CHN2: variants seen among roughly 807,000 people sequenced by gnomAD.
The protein encoded by CHN2 is chimerin 2.
A neutral mutation model predicts 56.3 loss-of-function variants in CHN2; 35 were observed. The observed-to-expected ratio is 0.62, with a 90% CI of 0.47 to 0.82. The LOEUF (loss-of-function observed/expected upper bound fraction) is 0.82. CHN2 is among the 40% of genes least tolerant of loss of function. The pLI is 0.00. For synonymous variants in CHN2, 210 were observed against 212.8 expected (o/e 0.99, Z 0.12); for missense variants, 491 against 580.5 (o/e 0.85, Z 1.58).
At chr7:29,346,399 C>G (rs747737797) in intron 1 of CHN2, among the ~76,000 whole-genome samples, 2 of 152,216 alleles carry the variant, frequency 1.3e-5, no homozygotes, top group Non-Finnish European at 2.9e-5. Context: ...AAATTCTGAA[C>G]TGTCATCTCA....
chr7:29,161,875 C>T (rs1795221801), intron 2 of CHN2, among the ~76,000 whole-genome samples: 1 of 152,106 alleles, frequency 6.6e-6, no homozygotes, highest in Non-Finnish European at 1.5e-5. Context: ...GTTGAACAGA[C>T]ATTTCACTAA....
At chr7:29,423,343 G>A (rs950730559) in intron 6 of CHN2, among the ~76,000 whole-genome samples, 1 of 152,214 alleles carries the variant, frequency 6.6e-6, no homozygotes, top group Admixed American at 6.5e-5. Flanking sequence ...CCAGGTGAAG[G>A]AAGCTGTGTT....
chr7:29,227,894 C>T (rs573629310), intron 1 of CHN2, among the ~76,000 whole-genome samples: 1 of 152,160 alleles, frequency 6.6e-6, no homozygotes, highest in African/African-American at 2.4e-5. Context: ...AAGAATTTCA[C>T]TCTTTCATTG....
chr7:29,254,789 G>A (rs186079398), intron 1 of CHN2, among the ~76,000 whole-genome samples: 19 of 152,286 alleles, frequency 1.2e-4, no homozygotes, highest in Admixed American at 7.8e-4. Flanking sequence ...ATGTAAATGT[G>A]TCTGCTCCTC....
intron 1 of CHN2, 21 bp from the exon 2 acceptor site, chr7:29,354,601 TTTC>T (rs1562540997): frequency 1.9e-6 from 3 of 1,571,024 alleles, no homozygotes; most frequent in Admixed American, 1.7e-5. Flanking sequence ...TGATGATGGA[TTTC>T]TTTTTTTTTT....
At chr7:29,194,452 G>A (rs926623718), upstream of CHN2, 1 of 154,494 alleles carries the variant, frequency 6.5e-6, no homozygotes, top group Non-Finnish European at 1.4e-5. Context: ...GGGGCGGAGG[G>A]AGAAGGGGGA....
At chr7:29,194,677 T>C (rs1024635725), upstream of CHN2, 3 of 366,608 alleles carry the variant, frequency 8.2e-6, no homozygotes, top group Non-Finnish European at 1.4e-5. Context: ...GGCCTCCCTC[T>C]GCTCCCACCT....
chr7:29,413,735 G>A (rs901797590), intron 6 of CHN2, among the ~76,000 whole-genome samples: 1 of 152,170 alleles, frequency 6.6e-6, no homozygotes, highest in African/African-American at 2.4e-5. Flanking sequence ...AAGGTGGCTC[G>A]TCTGACTTCG....
chr7:29,258,073 T>G (rs1789223715), intron 1 of CHN2, among the ~76,000 whole-genome samples: 1 of 152,144 alleles, frequency 6.6e-6, no homozygotes, highest in Non-Finnish European at 1.5e-5. Flanking sequence ...TGTGAGCCAT[T>G]GCGCCCAGCC....
chr7:29,383,892 C>G (rs1420423739), intron 3 of CHN2, among the ~76,000 whole-genome samples: 1 of 152,120 alleles, frequency 6.6e-6, no homozygotes, highest in Non-Finnish European at 1.5e-5. Flanking sequence ...ATAGGGAGAC[C>G]AGTAAAGAGA....
At chr7:29,472,281 A>ACACACACACACACACATG (rs1786138815) in intron 6 of CHN2, among the ~76,000 whole-genome samples, 2 of 143,502 alleles carry the variant, frequency 1.4e-5, no homozygotes, top group Non-Finnish European at 3.1e-5. Flanking sequence ...ATACACACAC[A>ACACACACACACACACATG]CACACACACA....
At chr7:29,336,900 C>T (rs1796670567) in intron 1 of CHN2, among the ~76,000 whole-genome samples, 1 of 151,688 alleles carries the variant, frequency 6.6e-6, no homozygotes, top group Non-Finnish European at 1.5e-5. Context: ...CAAACTCCTA[C>T]TCATCCGTCA....
At chr7:29,471,850 T>C (rs1786075534) in intron 6 of CHN2, among the ~76,000 whole-genome samples, 1 of 152,164 alleles carries the variant, frequency 6.6e-6, no homozygotes, top group African/African-American at 2.4e-5. Context: ...ACTAGCCCAA[T>C]TGCAGGAAAG....
intron 1 of CHN2, among the ~76,000 whole-genome samples, chr7:29,272,648 T>G (rs772073665): frequency 6.6e-6 from 1 of 152,172 alleles, no homozygotes; most frequent in Admixed American, 6.5e-5. Flanking sequence ...CAGGACATCT[T>G]TATTCTCTTA....
chr7:29,197,355 G>C (rs542459726), intron 1 of CHN2, among the ~76,000 whole-genome samples: 1 of 152,058 alleles, frequency 6.6e-6, no homozygotes, highest in Non-Finnish European at 1.5e-5. Context: ...CTTCATCACC[G>C]ACCAGCTGGG....
chr7:29,261,408 A>G (rs1789541677), intron 1 of CHN2, among the ~76,000 whole-genome samples: 1 of 152,162 alleles, frequency 6.6e-6, no homozygotes, highest in African/African-American at 2.4e-5. Flanking sequence ...CTCCCCTGCT[A>G]GGACGCTGGG....
Position 29,324,620 on chromosome 7 carries a change from T to A in CHN2, c.50-30005T>A, listed in dbSNP as rs938788798. On this transcript the variant is annotated intron_variant, in intron 1 of 12. Transcript: ENST00000222792. ...TCAGCTGTGACTTTTTTTTTTTTTT[T>A]AATTTTTGACAGAAAGTTACATCTA... 6.8e-5 allele frequency among the ~76,000 whole-genome samples: 10 copies of A among 147,380 alleles called. No individual in the cohort carries two copies. The East Asian group carries it at 9.8e-4, about 14-fold the overall frequency.
chr7:29,326,910 C>A (rs6942808), intron 1 of CHN2, among the ~76,000 whole-genome samples: 46,415 of 152,084 alleles, frequency 0.31, 7,840 homozygotes, highest in East Asian at 0.55. Context: ...TGGGTTACCT[C>A]AATTAACCCT....
At chr7:29,207,434 C>T (rs1364551223) in intron 1 of CHN2, among the ~76,000 whole-genome samples, 2 of 152,256 alleles carry the variant, frequency 1.3e-5, no homozygotes, top group East Asian at 3.9e-4. Flanking sequence ...TAGATAAATG[C>T]CTCCCTTCCC....
Sources: gnomAD v4.1 joint callset for allele counts (sites outside exome capture counted in the v4.1 genomes callset) on GRCh38, gnomAD v4.1.1 for gene constraint, MANE v1.5 for transcripts, NCBI Gene and HGNC (gene_info 2026-07-23, HGNC 2026-07-21) for gene names.